Variants in ADGRL2 observed in about 807,000 individuals in gnomAD.
ADGRL2 encodes calcium-independent alpha-latrotoxin receptor 2.
ADGRL2 carries 44 observed loss-of-function variants against 157.4 expected under a neutral mutation model. The observed-to-expected ratio is 0.28, with a 90% confidence interval of 0.22 to 0.36. ADGRL2 has a LOEUF of 0.36. Ranked by LOEUF, ADGRL2 falls within the 10% of genes least tolerant of loss-of-function variation. ADGRL2 has a pLI of 1.00. For missense variants in ADGRL2, 1,510 were observed against 1,768.9 expected (o/e 0.85, Z 2.63); for synonymous variants, 585 against 624.7 (o/e 0.94, Z 0.95).
At chr1:81,396,634 C>T (rs2076660189) in intron 1 of ADGRL2, among the ~76,000 whole-genome samples, 1 of 152,108 alleles carries the variant, frequency 6.6e-6, no homozygotes, top group African/African-American at 2.4e-5. Flanking sequence ...GTGGGTTTAT[C>T]ATATATGGTC....
At chr1:81,584,759 A>G (rs762935768) in intron 3 of ADGRL2, among the ~76,000 whole-genome samples, 11 of 152,164 alleles carry the variant, frequency 7.2e-5, no homozygotes, top group Non-Finnish European at 7.4e-5. Context: ...CGTAGTTTCT[A>G]GCTTCAGGTT....
At chr1:81,589,157 G>A (rs1029198960) in intron 3 of ADGRL2, among the ~76,000 whole-genome samples, 4 of 152,152 alleles carry the variant, frequency 2.6e-5, no homozygotes, top group Admixed American at 2.0e-4. Flanking sequence ...CTCTAAGCTG[G>A]TGCTGTAACT....
At chr1:81,816,299 A>G (rs2090398231) in intron 1 of ADGRL2, among the ~76,000 whole-genome samples, 1 of 151,888 alleles carries the variant, frequency 6.6e-6, no homozygotes, top group Admixed American at 6.6e-5. Context: ...ACTCTTATGT[A>G]TGTATAAAAT....
At chr1:81,777,607 C>A (rs12087279) in intron 2 of ADGRL2, among the ~76,000 whole-genome samples, 1 of 151,730 alleles carries the variant, frequency 6.6e-6, no homozygotes, top group African/African-American at 2.4e-5. Flanking sequence ...CCCATCTCTA[C>A]AAAAAATTAG....
At chr1:81,778,424 G>T (rs938241255) in intron 2 of ADGRL2, among the ~76,000 whole-genome samples, 3 of 151,842 alleles carry the variant, frequency 2.0e-5, no homozygotes, top group African/African-American at 7.3e-5. Flanking sequence ...AGAATCTAGA[G>T]ATCTGTATAT....
At chr1:81,600,275 C>A (rs1208301133) in intron 3 of ADGRL2, among the ~76,000 whole-genome samples, 1 of 152,140 alleles carries the variant, frequency 6.6e-6, no homozygotes, top group African/African-American at 2.4e-5. Context: ...GTAAACTAAC[C>A]CCGGAGGAAC....
chr1:81,604,449 C>G (rs536578801), intron 3 of ADGRL2, among the ~76,000 whole-genome samples: 1 of 152,270 alleles, frequency 6.6e-6, no homozygotes, highest in African/African-American at 2.4e-5. Context: ...GTGCAAGTTG[C>G]CTTCACAAGA....
intron 1 of ADGRL2, among the ~76,000 whole-genome samples, chr1:81,384,490 A>G (rs2076400585): frequency 6.6e-6 from 1 of 152,120 alleles, no homozygotes; most frequent in African/African-American, 2.4e-5. Flanking sequence ...AAATATTTCT[A>G]CTTTTCTCTT....
chr1:81,308,426 G>A (rs182807259), intron 1 of ADGRL2, among the ~76,000 whole-genome samples: 2 of 152,222 alleles, frequency 1.3e-5, no homozygotes, highest in Admixed American at 1.3e-4. Context: ...TTAACAGATG[G>A]AAAGGTGCGT....
Position 81,413,136 on chromosome 1 carries a change from T to C in ADGRL2, c.-301-31900T>C, listed in dbSNP as rs115197160. ...GGAATGCACTGCATTCCTGACTCCC[T>C]GGATGTAGCCCTCCACCCACCTCAG... On this transcript the variant is annotated intron_variant, in intron 1 of 24. Coordinates refer to the ADGRL2 transcript ENST00000370721. Among the ~76,000 whole-genome samples, 601 of 152,296 alleles carry C rather than the reference T, an allele frequency of 3.9e-3. 4 individuals are homozygous for C. Among genetic ancestry groups the C allele is most frequent in the African/African-American group, 0.013 (561 of 41,560 alleles).
chr1:81,508,971 A>G (rs2079028561), intron 2 of ADGRL2, among the ~76,000 whole-genome samples: 1 of 152,160 alleles, frequency 6.6e-6, no homozygotes, highest in South Asian at 2.1e-4. Context: ...TGATCTACTA[A>G]TGGAATGGTT....
At chr1:81,983,264 A>C (rs1175590888) in intron 19 of ADGRL2, among the ~76,000 whole-genome samples, 5 of 152,114 alleles carry the variant, frequency 3.3e-5, no homozygotes, top group Admixed American at 3.3e-4. Flanking sequence ...AGTATAACTT[A>C]GTCTTGGATA....
rs538605506 is a variant in ADGRL2, at chr1:81,637,737, T to C, written c.-143+56757T>C. 2.0e-5 allele frequency among the ~76,000 whole-genome samples: 3 copies of C among 152,310 alleles called. No homozygotes were observed. The East Asian group carries it at 5.8e-4, about 29-fold the overall frequency. On this transcript the variant is annotated intron_variant, in intron 3 of 24. Coordinates refer to the ADGRL2 transcript ENST00000370721. ...GTTTGAATGCACTGTATATAATCAG[T>C]CCACACATGTTTCAATACATGGAAA...
intron 2 of ADGRL2, among the ~76,000 whole-genome samples, chr1:81,530,424 G>A (rs2079569372): frequency 1.4e-5 from 1 of 71,608 alleles, no homozygotes. Context: ...TCAGCTCACT[G>A]CAACCTCCAC....
chr1:81,838,604 T>TG (rs1491097318), intron 2 of ADGRL2, among the ~76,000 whole-genome samples: 10 of 152,130 alleles, frequency 6.6e-5, no homozygotes, highest in African/African-American at 2.4e-4. Flanking sequence ...AAAACCTAAC[T>TG]GAATTCCTGC....
At chr1:81,647,646 C>T (rs1319119949) in intron 3 of ADGRL2, among the ~76,000 whole-genome samples, 1 of 152,108 alleles carries the variant, frequency 6.6e-6, no homozygotes. Flanking sequence ...CATTTCTGGT[C>T]CCAAGCATTT....
intron 1 of ADGRL2, among the ~76,000 whole-genome samples, chr1:81,383,838 G>A (rs1275026168): frequency 2.7e-5 from 4 of 147,234 alleles, no homozygotes; most frequent in Admixed American, 6.8e-5. Flanking sequence ...AGAGCCGGGC[G>A]TGGTACTTGG....
chr1:81,857,306 A>G (rs1481536939), intron 2 of ADGRL2, among the ~76,000 whole-genome samples: 1 of 152,192 alleles, frequency 6.6e-6, no homozygotes, highest in East Asian at 1.9e-4. Context: ...AGATGTATAT[A>G]CTGTGGTATT....
intron 2 of ADGRL2, among the ~76,000 whole-genome samples, chr1:81,855,542 C>T (rs563965065): frequency 3.6e-5 from 5 of 138,692 alleles, no homozygotes; most frequent in Admixed American, 3.4e-4. Flanking sequence ...TCTTCCTCTT[C>T]TTTTTCTTTT....
Sources: allele counts gnomAD v4.1 joint callset (sites outside exome capture counted in the v4.1 genomes callset), GRCh38; gene constraint gnomAD v4.1.1; transcripts MANE v1.5; gene names NCBI Gene and HGNC (gene_info 2026-07-23, HGNC 2026-07-21).